Variants in GOLM1 observed in about 807,000 individuals in gnomAD.
GOLM1 encodes golgi membrane protein 1.
A neutral mutation model predicts 50.5 loss-of-function variants in GOLM1; 31 were observed. The ratio of observed to expected loss-of-function variants is 0.61; its 90% CI spans 0.46 to 0.83. The LOEUF (loss-of-function observed/expected upper bound fraction) is 0.83. Among genes scored for constraint, GOLM1 ranks in the 40% least tolerant of loss-of-function variants. GOLM1 has a pLI of 0.00. For synonymous variants in GOLM1, 178 were observed against 192.8 expected (o/e 0.92, Z 0.64); for missense variants, 491 against 501.3 (o/e 0.98, Z 0.20).
At chr9:86,082,419 C>T (rs1834814000) in intron 1 of GOLM1, among the ~76,000 whole-genome samples, 1 of 148,814 alleles carries the variant, frequency 6.7e-6, no homozygotes, top group Admixed American at 6.7e-5. Context: ...CACTCTGTTG[C>T]TCAGGCTGAC....
At chr9:86,053,465 C>T (rs1482463525) in intron 3 of GOLM1, among the ~76,000 whole-genome samples, 1 of 112,658 alleles carries the variant, frequency 8.9e-6, no homozygotes, top group African/African-American at 3.5e-5. Flanking sequence ...CACATCACAC[C>T]ACACCACTCC....
intron 1 of GOLM1, among the ~76,000 whole-genome samples, chr9:86,099,065 G>A (rs926318667): frequency 1.3e-5 from 2 of 152,190 alleles, no homozygotes; most frequent in African/African-American, 4.8e-5. Flanking sequence ...GACTTTGGAT[G>A]CCGACGCGCG....
chr9:86,082,192 C>A (rs1038589490), intron 1 of GOLM1, among the ~76,000 whole-genome samples: 6 of 151,464 alleles, frequency 4.0e-5, no homozygotes, highest in Admixed American at 3.9e-4. Context: ...CCACACCTGG[C>A]TAATTTTTTG....
chr9:86,093,052 A>G (rs1346071119), intron 1 of GOLM1, among the ~76,000 whole-genome samples: 1 of 152,236 alleles, frequency 6.6e-6, no homozygotes, highest in Non-Finnish European at 1.5e-5. Context: ...CTTTCCCAAA[A>G]TTAAAACAAG....
chr9:86,056,860 G>A (rs1005287335), intron 3 of GOLM1, among the ~76,000 whole-genome samples: 6 of 152,082 alleles, frequency 3.9e-5, no homozygotes, highest in Admixed American at 6.6e-5. Context: ...CAGTGCAGTG[G>A]CGCTATCATA....
At chr9:86,092,267 A>G (rs753422290) in intron 1 of GOLM1, among the ~76,000 whole-genome samples, 20 of 152,198 alleles carry the variant, frequency 1.3e-4, no homozygotes, top group Non-Finnish European at 2.5e-4. Context: ...ATGAACAACA[A>G]ATCATTTCTA....
intron 4 of GOLM1, among the ~76,000 whole-genome samples, chr9:86,047,203 A>G (rs918402281): frequency 6.6e-6 from 1 of 152,198 alleles, no homozygotes; most frequent in African/African-American, 2.4e-5. Context: ...GACTTGGCTC[A>G]TAAAAGAGCC....
chr9:86,044,964 G>A (rs1587704647), intron 5 of GOLM1, among the ~76,000 whole-genome samples: 1 of 151,568 alleles, frequency 6.6e-6, no homozygotes, highest in South Asian at 2.1e-4. Flanking sequence ...AAAAAAAAAA[G>A]AGGCTATAGC....
At chr9:86,050,058 T>TGA (rs1317302571) in intron 4 of GOLM1, among the ~76,000 whole-genome samples, 28 of 152,012 alleles carry the variant, frequency 1.8e-4, no homozygotes, top group African/African-American at 6.3e-4. Flanking sequence ...CCTAGTTTAT[T>TGA]GAGTTTTTAG....
At chr9:86,093,983 AG>A (rs1835270607) in intron 1 of GOLM1, among the ~76,000 whole-genome samples, 1 of 152,338 alleles carries the variant, frequency 6.6e-6, no homozygotes, top group Non-Finnish European at 1.5e-5. Flanking sequence ...GCGGCTCAGC[AG>A]GAAGTTCAGA....
At chr9:86,081,062 A>G (rs79777920) in intron 1 of GOLM1, among the ~76,000 whole-genome samples, 1 of 151,258 alleles carries the variant, frequency 6.6e-6, no homozygotes, top group African/African-American at 2.4e-5. Context: ...ATTTTTTAAA[A>G]CAATTTTTGT....
rs938120958 is a variant in GOLM1 at position 86,034,478 on chromosome 9, C to G, written c.1015+890G>C. Reference sequence around the variant, plus strand: ...GCTTTGTGACCAGCCGCTGAGGGGTCTGACACTGGAGCGCCACAGGCTGAG... The same window carrying G: ...GCTTTGTGACCAGCCGCTGAGGGGTGTGACACTGGAGCGCCACAGGCTGAG... On this transcript the variant is annotated intron_variant, in intron 8 of 9. Coordinates refer to ENST00000388712, the MANE Select transcript of GOLM1 (RefSeq NM_016548.4). Among the ~76,000 whole-genome samples the G allele has an allele frequency of 2.6e-5, 4 of 152,294 alleles. No homozygotes were observed. In the East Asian group the frequency reaches 5.8e-4, roughly 22 times the overall value.
At chr9:86,088,438 A>G (rs1053949262) in intron 1 of GOLM1, among the ~76,000 whole-genome samples, 1 of 119,356 alleles carries the variant, frequency 8.4e-6, no homozygotes, top group Admixed American at 8.8e-5. Context: ...ATATATATAT[A>G]TATATATATA....
At chr9:86,049,620 C>T (rs1833670966) in intron 4 of GOLM1, among the ~76,000 whole-genome samples, 1 of 152,076 alleles carries the variant, frequency 6.6e-6, no homozygotes, top group Non-Finnish European at 1.5e-5. Flanking sequence ...GGTATTTATT[C>T]TCTTTGAAGC....
chr9:86,057,700 G>A (rs1834033954), intron 3 of GOLM1, among the ~76,000 whole-genome samples: 1 of 152,208 alleles, frequency 6.6e-6, no homozygotes, highest in African/African-American at 2.4e-5. Flanking sequence ...GCGGCCCTGG[G>A]TGAGCGTGGA....
chr9:86,027,888 T>TA lies in GOLM1; in HGVS notation c.1134dup (p.Asn379Ter). On this transcript the variant is annotated frameshift_variant, in exon 10 of 10. Coordinates refer to ENST00000388712, the MANE Select transcript of GOLM1 (RefSeq NM_016548.4). LOFTEE classifies it high-confidence loss of function. ...GTGTCTCTTTTCTGATCTTCAACAT[T>TA]AAAAACTAAAAAGGAAAAACACATA... is the stretch of plus-strand genomic sequence containing the variant. 6.3e-7 allele frequency: 1 copy of TA among 1,575,268 alleles called. No homozygotes were observed. Among genetic ancestry groups the TA allele is most frequent in the East Asian group, 2.2e-5 (1 of 44,682 alleles).
At chr9:86,071,053 A>G (rs563529657) in intron 3 of GOLM1, among the ~76,000 whole-genome samples, 69 of 146,762 alleles carry the variant, frequency 4.7e-4, no homozygotes, top group African/African-American at 1.7e-3. Flanking sequence ...GATTCAGTAC[A>G]AACATTTACA....
intron 3 of GOLM1, among the ~76,000 whole-genome samples, chr9:86,065,132 A>G (rs1409021547): frequency 6.6e-6 from 1 of 152,158 alleles, no homozygotes; most frequent in Non-Finnish European, 1.5e-5. Flanking sequence ...ACCTCAATGC[A>G]GGCCCTTCCC....
chr9:86,090,798 A>G, intron 1 of GOLM1, among the ~76,000 whole-genome samples: 1 of 151,022 alleles, frequency 6.6e-6, no homozygotes, highest in South Asian at 2.1e-4. Flanking sequence ...AAAAAAAAAA[A>G]AAAAAAAAAA....
Sources: gnomAD v4.1 joint callset for allele counts (sites outside exome capture counted in the v4.1 genomes callset) on GRCh38, gnomAD v4.1.1 for gene constraint, MANE v1.5 for transcripts, NCBI Gene and HGNC (gene_info 2026-07-23, HGNC 2026-07-21) for gene names.